The following QTGAL variants were observed in gnomAD, a reference collection of about 807,000 sequenced individuals.
The protein encoded by QTGAL is BGnT-like protein 1.
chr17:83,016,174 T>TA, the QTGAL span, among the ~76,000 whole-genome samples: 196 of 152,210 alleles, frequency 1.3e-3, no homozygotes, highest in African/African-American at 4.6e-3. Flanking sequence ...TATCTCATGA[T>TA]AAAAAAATTA....
the QTGAL span, among the ~76,000 whole-genome samples, chr17:83,017,441 G>A: frequency 9.9e-4 from 150 of 152,024 alleles, no homozygotes; most frequent in Admixed American, 6.1e-3. Flanking sequence ...TGGCCAAGAT[G>A]GTGAAACTCT....
the QTGAL span, among the ~76,000 whole-genome samples, chr17:82,998,415 G>A: frequency 1.3e-5 from 2 of 152,062 alleles, no homozygotes; most frequent in African/African-American, 2.4e-5. Flanking sequence ...GCACAATCTC[G>A]GCTCACTGCA....
At chr17:82,957,395 C>T in the QTGAL span, 2 of 1,613,228 alleles carry the variant, frequency 1.2e-6, no homozygotes, top group Admixed American at 3.3e-5. Context: ...TGCGGTACAG[C>T]CGGCGCCCCT....
At chr17:82,972,658 C>A in the QTGAL span, among the ~76,000 whole-genome samples, 1 of 119,820 alleles carries the variant, frequency 8.3e-6, no homozygotes, top group South Asian at 2.7e-4. Flanking sequence ...ACACCACACT[C>A]ATAGGGGCCA....
the QTGAL span, among the ~76,000 whole-genome samples, chr17:82,956,394 G>GC: frequency 6.6e-6 from 1 of 152,222 alleles, no homozygotes; most frequent in Non-Finnish European, 1.5e-5. This position sits in a 1 kb window ranked among gnomAD's most constrained non-coding sequence, Gnocchi z 5.7. Flanking sequence ...CTCGTGCTTT[G>GC]CAAGTTTCTA....
chr17:83,006,878 G>A, the QTGAL span: 1 of 927,926 alleles, frequency 1.1e-6, no homozygotes, highest in Non-Finnish European at 1.3e-6. This position sits in a 1 kb window ranked among gnomAD's most constrained non-coding sequence, Gnocchi z 5.8. Flanking sequence ...TCACAGAACA[G>A]TTACATGTTT....
the QTGAL span, among the ~76,000 whole-genome samples, chr17:82,967,544 C>T: frequency 0.011 from 1,706 of 152,018 alleles, 38 homozygotes; most frequent in African/African-American, 0.039. Flanking sequence ...TGTCACACTG[C>T]GGGGGTGGGG....
the QTGAL span, among the ~76,000 whole-genome samples, chr17:82,953,511 G>A: frequency 6.6e-6 from 1 of 152,202 alleles, no homozygotes; most frequent in Non-Finnish European, 1.5e-5. Context: ...CTGAAATTGA[G>A]GCAGTAATTA....
At chr17:83,041,072 A>ATAAT in the QTGAL span, among the ~76,000 whole-genome samples, 10 of 127,590 alleles carry the variant, frequency 7.8e-5, no homozygotes, top group Admixed American at 3.1e-4. Flanking sequence ...TCTCAAAAAA[A>ATAAT]AAAAAAAAAA....
chr17:83,023,808 G>A, the QTGAL span, among the ~76,000 whole-genome samples: 2 of 152,212 alleles, frequency 1.3e-5, no homozygotes, highest in Middle Eastern at 3.2e-3. Flanking sequence ...AAGGGAAAGT[G>A]GAAACCCAAC....
At chr17:82,964,024 A>T in the QTGAL span, among the ~76,000 whole-genome samples, 1 of 118,492 alleles carries the variant, frequency 8.4e-6, no homozygotes, top group Admixed American at 8.2e-5. Context: ...TGGAAGGCTG[A>T]GGTCGGGGGG....
the QTGAL span, among the ~76,000 whole-genome samples, chr17:83,051,145 TGTGGGGCAGGTGTGCGGGG>T: frequency 3.9e-5 from 1 of 25,406 alleles, no homozygotes; most frequent in Admixed American, 4.8e-4. Flanking sequence ...GTGTGTGGGG[TGTGGGGCAGGTGTGCGGGG>T]GCGGGGCAGG....
chr17:83,051,742 GGGCCTGCAT>G, the QTGAL span: 45 of 1,496,740 alleles, frequency 3.0e-5, no homozygotes, highest in Non-Finnish European at 3.8e-5. Flanking sequence ...CCTACCACGT[GGGCCTGCAT>G]GGCCTGGCTC....
chr17:82,970,568 G>GCACCCGGCGTGGCCGCGACCTCCC, the QTGAL span, among the ~76,000 whole-genome samples: 35 of 39,530 alleles, frequency 8.9e-4, no homozygotes, highest in Non-Finnish European at 1.3e-3. Context: ...CGCGACCTCC[G>GCACCCGGCGTGGCCGCGACCTCCC]CACCCGGCGT....
At chr17:82,982,511 C>T in the QTGAL span, among the ~76,000 whole-genome samples, 102,790 of 141,758 alleles carry the variant, frequency 0.73, 35,033 homozygotes, top group East Asian at 0.82. Flanking sequence ...TGAATGGGAT[C>T]AGAGCCCACG....
chr17:82,957,601 G>A, the QTGAL span: 651 of 1,399,890 alleles, frequency 4.7e-4, 3 homozygotes, highest in African/African-American at 8.3e-3. Flanking sequence ...CCAGTGGAGT[G>A]GACACCTGGC....
chr17:83,007,356 C>T, the QTGAL span: 17 of 808,384 alleles, frequency 2.1e-5, no homozygotes, highest in Middle Eastern at 6.4e-4. Flanking sequence ...TTCTGTGCAT[C>T]CTGCATAGCA....
chr17:83,034,355 C>T, the QTGAL span, among the ~76,000 whole-genome samples: 1 of 152,244 alleles, frequency 6.6e-6, no homozygotes, highest in South Asian at 2.1e-4. Flanking sequence ...TCGCTCTCTG[C>T]TGTGCAATTT....
chr17:82,961,005 TC>T, the QTGAL span: 2 of 1,572,108 alleles, frequency 1.3e-6, no homozygotes, highest in African/African-American at 2.7e-5. Flanking sequence ...CTCGGGCGCC[TC>T]CCGTGTTCCT....
Sources: allele counts gnomAD v4.1 joint callset (sites outside exome capture counted in the v4.1 genomes callset), GRCh38; gene constraint gnomAD v4.1.1; non-coding constraint Gnocchi (gnomAD v3.1); transcripts MANE v1.5; gene names NCBI Gene and HGNC (gene_info 2026-07-23, HGNC 2026-07-21).